The following ARRB2 variants were observed in gnomAD, a reference collection of about 807,000 sequenced individuals.
ARRB2 encodes the protein beta-arrestin-2.
ARRB2 carries 21 observed loss-of-function variants against 53.4 expected under a neutral mutation model. The ratio of observed to expected loss-of-function variants is 0.39; its 90% CI spans 0.28 to 0.57. The LOEUF is 0.57. Ranked by LOEUF, ARRB2 falls within the 20% of genes least tolerant of loss-of-function variation. The pLI is 0.55. For missense variants in ARRB2, 369 were observed against 527.5 expected (o/e 0.70, Z 2.94); for synonymous variants, 180 against 212.9 (o/e 0.85, Z 1.34).
Position 4,720,399 on chromosome 17 carries a change from C to T in ARRB2, c.1008C>T (p.Val336=), listed in dbSNP as rs1337606224. The change falls in exon 13 of 15, where the codon GTC becomes GTT. Residue 336 remains valine (V), a synonymous_variant. Transcript: ENST00000269260. The part of the protein sequence containing the change: ...VKLVVSRGGD[V]SVELPFVLMH... ...TGCCTCTCCCCTTCCCCAGGGATGT[C>T]TCTGTGGAGCTGCCTTTTGTTCTTA... is the stretch of plus-strand genomic sequence containing the variant. 3 of 1,613,864 alleles carry T rather than the reference C, an allele frequency of 1.9e-6. No homozygotes were observed. The highest frequency in any genetic ancestry group is 2.5e-6 in the Non-Finnish European group (3 of 1,179,918).
chr17:4,716,153 T>C lies in ARRB2; in HGVS notation c.122T>C (p.Val41Ala). Residue 41 changes from valine (V) to alanine (A), a missense_variant, in exon 4 of 15, where the codon GTG (valine) becomes GCG (alanine). Val to Ala is a moderately conservative substitution (Grantham distance 64). Coordinates refer to ENST00000269260, the MANE Select transcript of ARRB2 (RefSeq NM_004313.4). Reference protein sequence around the residue: ...HLDKVDPVDGVVLVDPDYLKD... With the variant: ...HLDKVDPVDGAVLVDPDYLKD... ...TGGTGTGTCCCCCTCCTAGATGGCG[T>C]GGTGCTTGTGGACCCTGACTACCTG... 1 of 1,614,006 alleles carries C rather than the reference T, an allele frequency of 6.2e-7. No homozygotes were observed. The highest frequency in any genetic ancestry group is 8.5e-7 in the Non-Finnish European group (1 of 1,179,998).
Position 4,720,487 on chromosome 17 carries a change from C to T in ARRB2, c.1081+15C>T, listed in dbSNP as rs747472910. 40 of 1,605,414 alleles carry T rather than the reference C, an allele frequency of 2.5e-5. No individual in the cohort carries two copies. Among genetic ancestry groups the T allele is most frequent in the African/African-American group, 5.4e-5 (4 of 74,658 alleles). ...ACCCCAGTCAGGTGAGCACACTACC[C>T]ACCCCAAGCCCTCAGAGGGAGGGCC... On this transcript the variant is annotated intron_variant, in intron 13 of 14. Transcript: ENST00000269260.
chr17:4,720,667 C>A, intron 14 of ARRB2, 27 bp downstream of exon 14: 1 of 1,513,836 alleles, frequency 6.6e-7, no homozygotes, highest in Non-Finnish European at 8.9e-7. Flanking sequence ...CCTACTTGAC[C>A]CTCTTGGGAC....
chr17:4,715,692 A>AGG, intron 2 of ARRB2: 1 of 144,080 alleles, frequency 6.9e-6, no homozygotes, highest in Non-Finnish European at 1.2e-5. Flanking sequence ...TGGTTGGCTG[A>AGG]GGACACACAC....
Position 4,719,272 on chromosome 17 carries a change from C to T in ARRB2, c.780-11C>T, listed in dbSNP as rs112586957. 5 of 1,607,638 alleles carry T rather than the reference C, an allele frequency of 3.1e-6. No homozygotes were observed. The highest frequency in any genetic ancestry group is 4.3e-6 in the Non-Finnish European group (5 of 1,175,664). On this transcript the variant is annotated splice_polypyrimidine_tract_variant and intron_variant, in intron 10 of 14. Coordinates refer to ENST00000269260, the MANE Select transcript of ARRB2 (RefSeq NM_004313.4). The stretch of plus-strand genomic sequence containing the variant: ...CCCCTAAGCATCTTGTTCTCTTGTC[C>T]CCACCCCCAGTGACCAGGTATCTCC...
chr17:4,711,434 A>G (rs1417234054), intron 1 of ARRB2, among the ~76,000 whole-genome samples: 3 of 152,198 alleles, frequency 2.0e-5, no homozygotes, highest in South Asian at 4.2e-4. Context: ...GTCTCTAGCA[A>G]AATCCACTTC....
chr17:4,719,289 G>A lies in ARRB2; in HGVS notation c.786G>A (p.Gln262=). Residue 262 remains glutamine, a synonymous_variant, in exon 11 of 15, where the codon CAG becomes CAA. Coordinates refer to ENST00000269260, the MANE Select transcript of ARRB2 (RefSeq NM_004313.4). ...CPVAQLEQDD[Q]VSPSSTFCKV... The stretch of plus-strand genomic sequence containing the variant: ...CTCTTGTCCCCACCCCCAGTGACCA[G>A]GTATCTCCCAGCTCCACATTCTGTA... 6.2e-7 allele frequency: 1 copy of A among 1,612,190 alleles called. No individual in the cohort carries two copies. Among genetic ancestry groups the A allele is most frequent in the East Asian group, 2.2e-5 (1 of 44,806 alleles).
chr17:4,715,726 A>ACAC (rs1567681737), intron 2 of ARRB2: 2 of 251,844 alleles, frequency 7.9e-6, no homozygotes, highest in African/African-American at 5.3e-5. Context: ...CACACACACA[A>ACAC]ACACACACAC....
chr17:4,718,066 G>A, intron 8 of ARRB2, 43 bp downstream of exon 8: 1 of 1,609,744 alleles, frequency 6.2e-7, no homozygotes. Context: ...GTGCAGTTTA[G>A]ACCCTGGGGG....
In ARRB2 at chr17:4,715,027, C is replaced by G. The variant is rs745795485; in HGVS notation, c.38C>G (p.Ser13Trp). 4 of 1,605,004 alleles carry G rather than the reference C, an allele frequency of 2.5e-6. No individual in the cohort carries two copies. The highest frequency in any genetic ancestry group is 2.6e-6 in the Non-Finnish European group (3 of 1,175,618). ...EKPGTRVFKKSSPNCKLTVYL... is the reference protein window; with the variant it reads ...EKPGTRVFKKWSPNCKLTVYL... The stretch of plus-strand genomic sequence containing the variant: ...TGTTTTGTTAGGGTCTTCAAGAAGT[C>G]GAGCCCTAACTGCAAGGTGAGTCTC... Residue 13 changes from serine (S) to tryptophan (W), a missense_variant, in exon 2 of 15, where the codon TCG becomes TGG. Ser to Trp is a radical substitution (Grantham distance 177). Transcript: ENST00000269260.
At position 4,721,150 on chromosome 17, in the gene ARRB2, T is replaced by A; in HGVS notation, c.*111T>A. 8.9e-7 allele frequency: 1 copy of A among 1,129,428 alleles called. No individual in the cohort carries two copies. The highest frequency in any genetic ancestry group is 1.3e-6 in the Non-Finnish European group (1 of 775,286). The allele number at this position is 1,129,428 out of a possible 1,614,324, so 70.0% of individuals were successfully genotyped here. A position where few individuals can be genotyped will look rare whatever the true frequency, so the allele number is the denominator to read the frequency against. The stretch of plus-strand genomic sequence containing the variant: ...CAGCCCCTCTTCCCTTCCCCTCACC[T>A]GGAAGCTTCTTCAACCAATCCCTTC... On this transcript the variant is annotated 3_prime_UTR_variant, in exon 15 of 15. Coordinates refer to ENST00000269260, the MANE Select transcript of ARRB2 (RefSeq NM_004313.4). The surrounding 1 kb of genome is among the most constrained non-coding windows in gnomAD (Gnocchi z 4.2).
At chr17:4,718,437 G>A in intron 9 of ARRB2, 92 bp downstream of exon 9, 1 of 1,422,862 alleles carries the variant, frequency 7.0e-7, no homozygotes, top group East Asian at 2.3e-5. Context: ...ATTTCCCAGT[G>A]CGGGAGACCC....
chr17:4,716,655 C>A (rs1414563334), intron 5 of ARRB2, 47 bp downstream of exon 5: 5 of 1,541,978 alleles, frequency 3.2e-6, no homozygotes, highest in Non-Finnish European at 4.4e-6. Flanking sequence ...GGGGCTGGGA[C>A]TGTGTCTGGG....
intron 2 of ARRB2, chr17:4,715,328 C>G: frequency 2.2e-6 from 1 of 460,288 alleles, no homozygotes; most frequent in Non-Finnish European, 3.9e-6. Context: ...TCCTAGGAGC[C>G]AACCCAAGGT....
At chr17:4,711,100 G>C (rs1914351877) in intron 1 of ARRB2, among the ~76,000 whole-genome samples, 1 of 152,038 alleles carries the variant, frequency 6.6e-6, no homozygotes, top group African/African-American at 2.4e-5. Context: ...CTGGATGCCG[G>C]GACGGGGGGG....
intron 5 of ARRB2, chr17:4,716,813 C>G: frequency 1.1e-6 from 1 of 875,014 alleles, no homozygotes. Context: ...CCCTTCTCAT[C>G]CCCAGGAGTC....
rs35351572 is a variant in ARRB2, at chr17:4,719,066, G to C, written c.780-217G>C. On this transcript the variant is annotated intron_variant, in intron 10 of 14. Transcript: ENST00000269260. The stretch of plus-strand genomic sequence containing the variant: ...TGGGATTACAGGCGTGAGCCGCCGC[G>C]ACCGGCCACCATCTTCACTTAAAAG... Among the ~76,000 whole-genome samples the C allele has an allele frequency of 1.7e-3, 252 of 152,278 alleles. 2 individuals carry two copies. Among genetic ancestry groups the C allele is most frequent in the African/African-American group, 5.9e-3 (246 of 41,548 alleles).
At chr17:4,712,833 C>T (rs747411127) in intron 1 of ARRB2, among the ~76,000 whole-genome samples, 1 of 152,186 alleles carries the variant, frequency 6.6e-6, no homozygotes, top group Admixed American at 6.5e-5. Flanking sequence ...AGGATGGACT[C>T]GGAGCCAGAC....
chr17:4,715,576 C>CACACAT (rs1286422802), intron 2 of ARRB2: 3 of 331,686 alleles, frequency 9.0e-6, no homozygotes, highest in African/African-American at 6.4e-5. Flanking sequence ...CGGACACACA[C>CACACAT]ACACACACAC....
Sources: allele counts gnomAD v4.1 joint callset (sites outside exome capture counted in the v4.1 genomes callset), GRCh38; gene constraint gnomAD v4.1.1; non-coding constraint Gnocchi (gnomAD v3.1); transcripts MANE v1.5; gene names NCBI Gene and HGNC (gene_info 2026-07-23, HGNC 2026-07-21).